The following LTA4H variants were observed in gnomAD, a reference collection of about 807,000 sequenced individuals.
LTA4H encodes leukotriene A-4 hydrolase.
A neutral mutation model predicts 89.8 loss-of-function variants in LTA4H; 59 were observed. That is an observed-to-expected ratio of 0.66 (90% CI 0.53 to 0.82). The LOEUF is 0.82. Ranked by LOEUF, LTA4H falls within the 40% of genes least tolerant of loss-of-function variation. LTA4H has a pLI of 0.00. For synonymous variants in LTA4H, 227 were observed against 253.1 expected (o/e 0.90, Z 0.98); for missense variants, 617 against 727.0 (o/e 0.85, Z 1.74).
At chr12:96,004,564 G>T (rs1256035590) in intron 16 of LTA4H, among the ~76,000 whole-genome samples, 1 of 152,070 alleles carries the variant, frequency 6.6e-6, no homozygotes, top group Non-Finnish European at 1.5e-5. Context: ...TTTGGGTGAA[G>T]GAAAGAAAAA....
chr12:96,008,015 T>G (rs957856110), intron 15 of LTA4H, among the ~76,000 whole-genome samples: 2 of 152,150 alleles, frequency 1.3e-5, no homozygotes, highest in Non-Finnish European at 2.9e-5. Flanking sequence ...CGACTGTATA[T>G]TCATGGACAT....
upstream of LTA4H, among the ~76,000 whole-genome samples, chr12:96,036,123 A>C (rs1223709623): frequency 6.6e-6 from 1 of 152,200 alleles, no homozygotes; most frequent in Admixed American, 6.5e-5. Context: ...TTTTAGCTGT[A>C]AGTAATTCAA....
At chr12:96,023,035 A>G (rs1392965794) in intron 4 of LTA4H, among the ~76,000 whole-genome samples, 1 of 152,224 alleles carries the variant, frequency 6.6e-6, no homozygotes, top group African/African-American at 2.4e-5. Context: ...CAAACCATAT[A>G]GTCATTTAAC....
At chr12:96,033,022 A>T (rs1950592465) in intron 1 of LTA4H, among the ~76,000 whole-genome samples, 1 of 152,232 alleles carries the variant, frequency 6.6e-6, no homozygotes, top group African/African-American at 2.4e-5. Flanking sequence ...TACCTGGGTG[A>T]CAAAATAATC....
chr12:96,021,284 A>C, intron 5 of LTA4H, 147 bp from the exon 6 acceptor site: 2 of 539,560 alleles, frequency 3.7e-6, no homozygotes, highest in South Asian at 6.2e-5. Context: ...ATACTTCTCA[A>C]ATAGTTCTCA....
At position 96,035,402 on chromosome 12, in the gene LTA4H, C is replaced by T. The variant is rs1592902530; in HGVS notation, c.118G>A (p.Ala40Thr). ...TCCTCCTGAGACTGGACCGTGAGAG[C>T]AGCAGTCCCGGTCAGCGTCCGGCGA... ...FTRRTLTGTA[A>T]LTVQSQEDNL... is the part of the protein sequence containing the mutation. Residue 40 changes from alanine (A) to threonine (T), a missense_variant, in exon 1 of 19, where the codon GCT becomes ACT. Ala to Thr is a moderately conservative substitution (Grantham distance 58, BLOSUM62 0). This residue lies in a region of LTA4H where 155 missense variants were observed against 143.3 expected (regional missense o/e 1.08). Transcript: ENST00000228740. 4 of 1,611,460 alleles carry T rather than the reference C, an allele frequency of 2.5e-6. No individual in the cohort carries two copies. Among genetic ancestry groups the T allele is most frequent in the Non-Finnish European group, 3.4e-6 (4 of 1,178,996 alleles).
In LTA4H at chr12:96,014,223, A is replaced by C. The variant is rs140878426; in HGVS notation, c.1205-370T>G. ...GATCCAGGTGACAGACAGCCTTCCAAGTCAATCAACCAAGGAGAACACCTC... is the reference window on the plus strand; with the variant it reads ...GATCCAGGTGACAGACAGCCTTCCACGTCAATCAACCAAGGAGAACACCTC... On this transcript the variant is annotated intron_variant, in intron 12 of 18. Transcript: ENST00000228740. The C allele has an allele frequency of 5.1e-4, 91 of 179,102 alleles. 1 individual carries two copies. The Middle Eastern group carries it at 7.5e-3, about 15-fold the overall frequency. The allele number at this position is 179,102 out of a possible 1,614,324, so 11.1% of individuals were successfully genotyped here.
At chr12:96,037,018 G>A (rs138096421), upstream of LTA4H, among the ~76,000 whole-genome samples, 47 of 152,322 alleles carry the variant, frequency 3.1e-4, no homozygotes, top group African/African-American at 1.1e-3. Context: ...AGGCCATGAG[G>A]GCTCTGCCCC....
At chr12:96,014,724 G>C (rs984918331) in intron 12 of LTA4H, 131 bp downstream of exon 12, 1 of 835,366 alleles carries the variant, frequency 1.2e-6, no homozygotes, top group Non-Finnish European at 1.8e-6. Context: ...AAACAATACA[G>C]ATTTCTTCAG....
chr12:96,002,890 G>T, intron 18 of LTA4H, 70 bp downstream of exon 18: 3 of 1,023,632 alleles, frequency 2.9e-6, no homozygotes, highest in Non-Finnish European at 4.4e-6. Flanking sequence ...TATAGATTAC[G>T]TTTAAATATT....
Position 96,027,538 on chromosome 12 carries a change from G to T in LTA4H, c.317C>A (p.Ser106Tyr). 6.3e-7 allele frequency: 1 copy of T among 1,592,934 alleles called. No individual in the cohort carries two copies. The highest frequency in any genetic ancestry group is 1.1e-5 in the South Asian group (1 of 90,116). The stretch of plus-strand genomic sequence containing the variant: ...AGAAGATTTTGGAGAGGTCTCAAAA[G>T]AAATTTCTATAACAATTTCTTGATT... ...SKNQEIVIEISFETSPKSSAL... is the reference protein window; with the variant it reads ...SKNQEIVIEIYFETSPKSSAL... The change falls in exon 3 of 19, where the codon TCT becomes TAT. Residue 106 changes from serine to tyrosine, a missense_variant. By Grantham distance (144) the Ser-to-Tyr change is moderately radical. Coordinates refer to ENST00000228740, the MANE Select transcript of LTA4H (RefSeq NM_000895.3).
At position 96,027,509 on chromosome 12, in the gene LTA4H, G is replaced by A; in HGVS notation, c.346C>T (p.Leu116Phe). Residue 116 changes from leucine (L) to phenylalanine (F), a missense_variant, in exon 3 of 19, where the codon CTC (leucine) becomes TTC (phenylalanine). Physicochemically the swap from Leu to Phe is conservative, Grantham distance 22. Around this residue, in one of 3 missense-constraint regions of LTA4H, gnomAD observed 155 missense variants for 143.3 expected, o/e 1.08. Coordinates refer to ENST00000228740, the MANE Select transcript of LTA4H (RefSeq NM_000895.3). ...SFETSPKSSA[L>F]QWLTPEQTSG... ...GTCTGTTCAGGAGTGAGCCACTGGAGAGCAGAAGATTTTGGAGAGGTCTCA... is the reference window on the plus strand; with the variant it reads ...GTCTGTTCAGGAGTGAGCCACTGGAAAGCAGAAGATTTTGGAGAGGTCTCA... 4 of 1,611,174 alleles carry A rather than the reference G, an allele frequency of 2.5e-6. No individual in the cohort carries two copies. The highest frequency in any genetic ancestry group is 2.2e-5 in the East Asian group (1 of 44,786).
At chr12:96,036,970 A>G (rs1241014168), upstream of LTA4H, among the ~76,000 whole-genome samples, 1 of 152,218 alleles carries the variant, frequency 6.6e-6, no homozygotes, top group African/African-American at 2.4e-5. Flanking sequence ...ACACTTAAAC[A>G]ATCAGATCCC....
chr12:96,014,916 T>A lies in LTA4H; in HGVS notation c.1143A>T (p.Ser381=). 1 of 1,613,866 alleles carries A rather than the reference T, an allele frequency of 6.2e-7. No individual in the cohort carries two copies. Among genetic ancestry groups the A allele is most frequent in the Non-Finnish European group, 8.5e-7 (1 of 1,179,870 alleles). ...TDIDPDVAYS[S]VPYEKGFALL... is the part of the protein sequence containing the mutation. The stretch of plus-strand genomic sequence containing the variant: ...AAGCAAAGCCCTTCTCATAGGGAAC[T>A]GAAGAATAAGCTACATCAGGGTCTA... The change falls in exon 12 of 19, where the codon TCA becomes TCT. Residue 381 remains serine (S), a synonymous_variant. Coordinates refer to ENST00000228740, the MANE Select transcript of LTA4H (RefSeq NM_000895.3).
chr12:96,015,205 T>G (rs906403290), intron 11 of LTA4H: 1 of 507,002 alleles, frequency 2.0e-6, no homozygotes, highest in East Asian at 3.1e-5. Context: ...CTGTTGTTTC[T>G]TGCTCAATAA....
At chr12:96,015,144 G>T in intron 11 of LTA4H, 145 bp from the exon 12 acceptor site, 1 of 622,054 alleles carries the variant, frequency 1.6e-6, no homozygotes, top group Non-Finnish European at 2.7e-6. Context: ...GGATATGTTG[G>T]CATAAACTTC....
intron 14 of LTA4H, chr12:96,010,301 T>C (rs1177517747): frequency 2.0e-5 from 3 of 152,196 alleles, no homozygotes; most frequent in Non-Finnish European, 2.9e-5. Context: ...AAACCAGATA[T>C]GTGCCTTGTT....
chr12:96,004,216 T>TAGGA (rs1950158214), intron 16 of LTA4H, among the ~76,000 whole-genome samples: 1 of 152,210 alleles, frequency 6.6e-6, no homozygotes, highest in South Asian at 2.1e-4. Context: ...TTTCAGACTT[T>TAGGA]TCCTAGAGTT....
intron 11 of LTA4H, chr12:96,015,241 C>T (rs933487204): frequency 2.1e-6 from 1 of 479,258 alleles, no homozygotes; most frequent in African/African-American, 2.0e-5. Context: ...TATAAAAAGA[C>T]TAGAAAAATG....
Sources: gnomAD v4.1 joint callset for allele counts (sites outside exome capture counted in the v4.1 genomes callset) on GRCh38, gnomAD v4.1.1 for gene constraint, gnomAD v4.1.1 regional missense constraint, MANE v1.5 for transcripts, NCBI Gene and HGNC (gene_info 2026-07-23, HGNC 2026-07-21) for gene names.